Variants in TLL1 observed in about 807,000 individuals in gnomAD.
The protein encoded by TLL1 is tolloid-like protein 1.
A neutral mutation model predicts 128.2 loss-of-function variants in TLL1; 49 were observed. The ratio of observed to expected loss-of-function variants is 0.38; its 90% CI spans 0.30 to 0.48. TLL1 has a LOEUF of 0.48. Ranked by LOEUF, TLL1 falls within the 20% of genes least tolerant of loss-of-function variation. The probability of loss-of-function intolerance (pLI) is 0.96; values close to 1 mark genes in which losing one functional copy is unlikely to be tolerated. For synonymous variants in TLL1, 454 were observed against 418.8 expected (o/e 1.08, Z -1.03); for missense variants, 1,123 against 1,242.0 (o/e 0.90, Z 1.44).
At chr4:166,044,462 C>G in intron 12 of TLL1, 2 of 1,519,872 alleles carry the variant, frequency 1.3e-6, no homozygotes, top group Non-Finnish European at 1.8e-6. Context: ...GTACTTGTCT[C>G]TGTCCCCTTG....
At chr4:165,906,707 C>T (rs2110863330) in intron 1 of TLL1, among the ~76,000 whole-genome samples, 1 of 151,258 alleles carries the variant, frequency 6.6e-6, no homozygotes, top group African/African-American at 2.4e-5. Context: ...GTAGACAATT[C>T]TTTTAATATT....
intron 15 of TLL1, among the ~76,000 whole-genome samples, chr4:166,060,553 G>A (rs1441361688): frequency 6.6e-6 from 1 of 152,072 alleles, no homozygotes; most frequent in Non-Finnish European, 1.5e-5. Flanking sequence ...TCATTTGGAA[G>A]AACCTGGCAT....
chr4:166,035,787 T>C (rs1738971262), intron 9 of TLL1, among the ~76,000 whole-genome samples: 1 of 152,126 alleles, frequency 6.6e-6, no homozygotes, highest in Admixed American at 6.6e-5. Flanking sequence ...ATTTCTAACA[T>C]TGTAGCATTG....
At chr4:165,976,635 T>C (rs1013607911) in intron 1 of TLL1, among the ~76,000 whole-genome samples, 2 of 152,180 alleles carry the variant, frequency 1.3e-5, no homozygotes, top group Admixed American at 6.5e-5. Context: ...TTCTATTAGA[T>C]ATAAAGATTC....
intron 1 of TLL1, among the ~76,000 whole-genome samples, chr4:165,898,541 T>G (rs976854795): frequency 1.3e-5 from 2 of 152,238 alleles, no homozygotes; most frequent in Non-Finnish European, 2.9e-5. Flanking sequence ...TTTATTGATT[T>G]GCATATGTTG....
At chr4:165,890,812 A>T (rs1335158766) in intron 1 of TLL1, among the ~76,000 whole-genome samples, 1 of 152,182 alleles carries the variant, frequency 6.6e-6, no homozygotes, top group Admixed American at 6.5e-5. Context: ...CTCTTCTCAC[A>T]GTTCCACTAG....
At chr4:166,029,624 C>T (rs2322474) in intron 9 of TLL1, among the ~76,000 whole-genome samples, 57,494 of 151,802 alleles carry the variant, frequency 0.38, 11,887 homozygotes, top group African/African-American at 0.53. Context: ...TTTTTCATCT[C>T]GCAAAACTGC....
At chr4:165,923,539 C>T (rs931538461) in intron 1 of TLL1, among the ~76,000 whole-genome samples, 2 of 147,860 alleles carry the variant, frequency 1.4e-5, no homozygotes, top group African/African-American at 5.0e-5. Context: ...CGCCATTCTC[C>T]TGCCTCAGCC....
chr4:166,041,383 C>T (rs1248321067), intron 10 of TLL1, among the ~76,000 whole-genome samples: 1 of 151,386 alleles, frequency 6.6e-6, no homozygotes, highest in African/African-American at 2.4e-5. Flanking sequence ...TCACTGCAAC[C>T]TCTGCCTCTC....
intron 1 of TLL1, among the ~76,000 whole-genome samples, chr4:165,897,662 C>CTTTTTTTTTTTTTT (rs951819686): frequency 2.1e-5 from 1 of 47,540 alleles, no homozygotes; most frequent in Non-Finnish European, 3.5e-5. Flanking sequence ...GGTAGTCCAG[C>CTTTTTTTTTTTTTT]TTTTTTTTTT....
At chr4:166,028,155 C>G (rs1738594158) in intron 9 of TLL1, among the ~76,000 whole-genome samples, 1 of 151,818 alleles carries the variant, frequency 6.6e-6, no homozygotes, top group South Asian at 2.1e-4. Flanking sequence ...TTTCAAGCAT[C>G]TTTTCTTTTC....
chr4:166,040,724 GA>G (rs1345399955), intron 10 of TLL1, among the ~76,000 whole-genome samples: 1 of 152,174 alleles, frequency 6.6e-6, no homozygotes, highest in Non-Finnish European at 1.5e-5. Flanking sequence ...AGATTTCCTA[GA>G]AATTCAGATG....
chr4:166,078,374 A>G (rs1359971740), intron 18 of TLL1, among the ~76,000 whole-genome samples: 1 of 152,230 alleles, frequency 6.6e-6, no homozygotes, highest in Non-Finnish European at 1.5e-5. Context: ...TTTGCCAGAA[A>G]GCGATAGAAT....
rs761347139 is a variant in TLL1 at position 166,025,343 on chromosome 4, A to G, written c.1070A>G (p.Asn357Ser). 7 of 1,613,766 alleles carry G rather than the reference A, an allele frequency of 4.3e-6. No homozygotes were observed. In the Admixed American group the frequency reaches 5.0e-5, roughly 12 times the overall value. The change falls in exon 9 of 21, where the codon AAT (asparagine) becomes AGT (serine). Residue 357 changes from asparagine to serine, a missense_variant. By Grantham distance (46) the Asn-to-Ser change is conservative. Transcript: ENST00000061240. The stretch of plus-strand genomic sequence containing the variant: ...TGTGGAGAAACTCTACAAGAATCCA[A>G]TGGCAACCTTTCCTCTCCAGGATTT... ...PACGETLQESNGNLSSPGFPN... is the reference protein window; with the variant it reads ...PACGETLQESSGNLSSPGFPN...
chr4:165,959,567 C>T (rs996899819), intron 1 of TLL1, among the ~76,000 whole-genome samples: 9 of 152,112 alleles, frequency 5.9e-5, no homozygotes, highest in Non-Finnish European at 1.3e-4. Context: ...ATGGAACATA[C>T]TTGAAGATCA....
chr4:166,058,965 C>T (rs1210175129), intron 14 of TLL1, among the ~76,000 whole-genome samples: 1 of 152,088 alleles, frequency 6.6e-6, no homozygotes, highest in Non-Finnish European at 1.5e-5. Context: ...TTCCAGAAGT[C>T]TCTATCCCAC....
chr4:166,065,536 G>A (rs776402805), intron 15 of TLL1, 147 bp from the exon 16 acceptor site: 6 of 743,058 alleles, frequency 8.1e-6, no homozygotes, highest in Non-Finnish European at 1.4e-5. Context: ...GAGTCACTGT[G>A]TCTGACCTGA....
At chr4:165,988,454 A>G (rs2071202686) in intron 1 of TLL1, among the ~76,000 whole-genome samples, 1 of 152,000 alleles carries the variant, frequency 6.6e-6, no homozygotes, top group Admixed American at 6.6e-5. Context: ...TACAAAAAAT[A>G]CAAAAATTAA....
chr4:166,018,883 G>A (rs1738078110), intron 8 of TLL1, among the ~76,000 whole-genome samples: 2 of 152,178 alleles, frequency 1.3e-5, no homozygotes, highest in South Asian at 2.1e-4. Flanking sequence ...AGCCATATTG[G>A]AAAGCAATTT....
Sources: allele counts gnomAD v4.1 joint callset (sites outside exome capture counted in the v4.1 genomes callset), GRCh38; gene constraint gnomAD v4.1.1; transcripts MANE v1.5; gene names NCBI Gene and HGNC (gene_info 2026-07-23, HGNC 2026-07-21).